The following RPS6KC1 variants were observed in gnomAD, a reference collection of about 807,000 sequenced individuals.
RPS6KC1 encodes ribosomal protein S6 kinase C1.
In RPS6KC1, 54 loss-of-function variants were observed where a neutral mutation model predicts 103.8. That is an observed-to-expected ratio of 0.52 (90% CI 0.42 to 0.65). RPS6KC1 has a LOEUF of 0.65. Ranked by LOEUF, RPS6KC1 falls within the 30% of genes least tolerant of loss-of-function variation. RPS6KC1 has a pLI of 0.00. For synonymous variants in RPS6KC1, 439 were observed against 438.7 expected (o/e 1.00, Z -0.01); for missense variants, 1,151 against 1,253.8 (o/e 0.92, Z 1.24).
At chr1:213,803,942 C>G in the RPS6KC1 span, among the ~76,000 whole-genome samples, 1 of 129,000 alleles carries the variant, frequency 7.8e-6, no homozygotes, top group Admixed American at 8.9e-5. Context: ...TCGGGAAGAT[C>G]ACACACTGGG....
At chr1:213,583,820 C>CAAAAAA in the RPS6KC1 span, among the ~76,000 whole-genome samples, 2 of 76,638 alleles carry the variant, frequency 2.6e-5, no homozygotes, top group African/African-American at 4.8e-5. Context: ...GATTCTGTCT[C>CAAAAAA]AAAAAAAAAA....
the RPS6KC1 span, among the ~76,000 whole-genome samples, chr1:213,849,552 T>G: frequency 1.3e-5 from 2 of 152,218 alleles, no homozygotes; most frequent in African/African-American, 4.8e-5. Flanking sequence ...GTGGTACAAT[T>G]TCCCTCATTC....
At chr1:213,055,636 T>A (rs2077275261) in intron 1 of RPS6KC1, among the ~76,000 whole-genome samples, 1 of 152,206 alleles carries the variant, frequency 6.6e-6, no homozygotes, top group Non-Finnish European at 1.5e-5. Flanking sequence ...GTCTAAGTAC[T>A]CTTTCTTTCT....
the RPS6KC1 span, among the ~76,000 whole-genome samples, chr1:213,396,511 G>T: frequency 6.6e-6 from 1 of 152,174 alleles, no homozygotes; most frequent in Non-Finnish European, 1.5e-5. Context: ...CTGGACCACC[G>T]AACACGTGTG....
chr1:213,680,915 C>T, the RPS6KC1 span, among the ~76,000 whole-genome samples: 10 of 152,172 alleles, frequency 6.6e-5, no homozygotes, highest in Non-Finnish European at 5.9e-5. Flanking sequence ...CAGAGCAAAG[C>T]GCTGGCAGTT....
At chr1:213,373,897 C>T in the RPS6KC1 span, among the ~76,000 whole-genome samples, 1 of 152,100 alleles carries the variant, frequency 6.6e-6, no homozygotes. Flanking sequence ...TTATCGCCAC[C>T]GAAACCAGAA....
At chr1:213,685,312 A>T in the RPS6KC1 span, among the ~76,000 whole-genome samples, 1 of 152,316 alleles carries the variant, frequency 6.6e-6, no homozygotes, top group Admixed American at 6.5e-5. Flanking sequence ...ATTTCTTCTT[A>T]AAAATCATTT....
the RPS6KC1 span, among the ~76,000 whole-genome samples, chr1:213,611,932 G>A: frequency 6.6e-6 from 1 of 152,224 alleles, no homozygotes; most frequent in Non-Finnish European, 1.5e-5. Flanking sequence ...CAACAGAGGG[G>A]CTGAGAGATG....
At chr1:213,700,012 T>C in the RPS6KC1 span, among the ~76,000 whole-genome samples, 5,719 of 152,192 alleles carry the variant, frequency 0.038, 390 homozygotes, top group African/African-American at 0.13. Context: ...CTTTTCACTT[T>C]GTTGATTGTT....
chr1:213,782,365 C>T, the RPS6KC1 span, among the ~76,000 whole-genome samples: 2,702 of 152,262 alleles, frequency 0.018, 113 homozygotes, highest in East Asian at 0.18. Flanking sequence ...GGAGAGTCCA[C>T]AGGCATTCAG....
At chr1:213,788,447 C>T in the RPS6KC1 span, among the ~76,000 whole-genome samples, 7 of 152,118 alleles carry the variant, frequency 4.6e-5, no homozygotes, top group Non-Finnish European at 5.9e-5. Context: ...CTGCTAAACA[C>T]GACCTATTTT....
the RPS6KC1 span, among the ~76,000 whole-genome samples, chr1:213,545,580 A>G: frequency 6.6e-6 from 1 of 152,040 alleles, no homozygotes; most frequent in African/African-American, 2.4e-5. Context: ...CACCAGTCAC[A>G]TTGGATTAAG....
the RPS6KC1 span, among the ~76,000 whole-genome samples, chr1:213,710,372 A>G: frequency 1.3e-5 from 2 of 152,192 alleles, no homozygotes; most frequent in East Asian, 3.9e-4. Context: ...TTCTTGGTAA[A>G]TCTTCCTCTA....
At chr1:213,567,423 G>A in the RPS6KC1 span, among the ~76,000 whole-genome samples, 9 of 152,272 alleles carry the variant, frequency 5.9e-5, no homozygotes, top group East Asian at 1.2e-3. Flanking sequence ...AAGTCCTTAC[G>A]TGACATAATC....
chr1:213,177,428 G>T (rs187380958), intron 8 of RPS6KC1, among the ~76,000 whole-genome samples: 2 of 152,212 alleles, frequency 1.3e-5, no homozygotes, highest in African/African-American at 4.8e-5. Context: ...TGAAGTATGC[G>T]TGTGATTCCA....
At chr1:213,154,531 A>C (rs1292455316) in intron 6 of RPS6KC1, among the ~76,000 whole-genome samples, 1 of 152,024 alleles carries the variant, frequency 6.6e-6, no homozygotes, top group Non-Finnish European at 1.5e-5. Flanking sequence ...CCCCATAGCC[A>C]CTCACCCCAG....
chr1:213,718,065 T>G, the RPS6KC1 span, among the ~76,000 whole-genome samples: 42 of 152,338 alleles, frequency 2.8e-4, no homozygotes, highest in Middle Eastern at 3.4e-3. Flanking sequence ...TTCCAGCTCT[T>G]TCTCCATTGC....
chr1:213,612,915 C>T, the RPS6KC1 span, among the ~76,000 whole-genome samples: 1 of 152,176 alleles, frequency 6.6e-6, no homozygotes, highest in Non-Finnish European at 1.5e-5. Flanking sequence ...GTATTTTCTG[C>T]CTTTTTATAC....
intron 6 of RPS6KC1, among the ~76,000 whole-genome samples, chr1:213,166,990 A>G (rs2091021205): frequency 6.6e-6 from 1 of 152,198 alleles, no homozygotes; most frequent in African/African-American, 2.4e-5. Flanking sequence ...TTGCATTGGC[A>G]GAAACCAGCT....
Sources: allele counts gnomAD v4.1 joint callset (sites outside exome capture counted in the v4.1 genomes callset), GRCh38; gene constraint gnomAD v4.1.1; transcripts MANE v1.5; gene names NCBI Gene and HGNC (gene_info 2026-07-23, HGNC 2026-07-21).